Variants in CSMD1 observed in about 807,000 individuals in gnomAD.
CSMD1 encodes the protein CUB and Sushi multiple domains 1.
In CSMD1, 213 loss-of-function variants were observed where a neutral mutation model predicts 417.5. That is an observed-to-expected ratio of 0.51 (90% confidence interval 0.46 to 0.57). The LOEUF is 0.57. Among genes scored for constraint, CSMD1 ranks in the 20% least tolerant of loss-of-function variants. CSMD1 has a pLI of 0.00. For synonymous variants in CSMD1, 2,862 were observed against 1,736.8 expected, an observed-to-expected ratio of 1.65 and a Z score of -16.11; for missense variants, 6,923 against 4,529.7, an observed-to-expected ratio of 1.53 and a Z score of -15.17.
intron 3 of CSMD1, among the ~76,000 whole-genome samples, chr8:4,178,926 GAA>G (rs1798202395): frequency 6.6e-6 from 1 of 152,074 alleles, no homozygotes; most frequent in South Asian, 2.1e-4. Context: ...TGAAATAAGA[GAA>G]GATACAAACA....
At chr8:3,566,954 T>C (rs189864870) in intron 10 of CSMD1, among the ~76,000 whole-genome samples, 1 of 152,340 alleles carries the variant, frequency 6.6e-6, no homozygotes, top group African/African-American at 2.4e-5. Context: ...TAAATTGTTC[T>C]ATCATAAAGA....
In CSMD1 at chr8:3,834,039, A is replaced by T. The variant is rs140280523; in HGVS notation, c.819-79997T>A. On this transcript the variant is annotated intron_variant, in intron 5 of 69. Coordinates refer to ENST00000635120, the MANE Select transcript of CSMD1 (RefSeq NM_033225.6). Reference sequence around the variant, plus strand: ...TAAATATTTAACTCTTGACACGGTCACTAATGTAAAGTTTGGTCACTACTG... The same window carrying T: ...TAAATATTTAACTCTTGACACGGTCTCTAATGTAAAGTTTGGTCACTACTG... Among the ~76,000 whole-genome samples, 545 of 152,310 alleles carry T rather than the reference A, an allele frequency of 3.6e-3. 3 individuals are homozygous for T. Among genetic ancestry groups the T allele is most frequent in the African/African-American group, 0.012 (507 of 41,580 alleles).
rs571326225 is a variant in CSMD1, at chr8:4,032,463, G to C, written c.416-364C>G. Among the ~76,000 whole-genome samples, 3 of 152,288 alleles carry C rather than the reference G, an allele frequency of 2.0e-5. No individual in the cohort carries two copies. The East Asian group carries it at 5.8e-4, about 29-fold the overall frequency. The stretch of plus-strand genomic sequence containing the variant: ...TCAGTGTCAGCAACCAGACACAGTA[G>C]ACTATAGAAATCTAAAACAGTGGCA... On this transcript the variant is annotated intron_variant, in intron 3 of 69. Coordinates refer to ENST00000635120, the MANE Select transcript of CSMD1 (RefSeq NM_033225.6).
chr8:4,838,303 C>T (rs1209188934), intron 1 of CSMD1, among the ~76,000 whole-genome samples: 1 of 152,120 alleles, frequency 6.6e-6, no homozygotes, highest in Non-Finnish European at 1.5e-5. Context: ...ACTGTGCTAA[C>T]GTAAGCGTTC....
At chr8:3,621,533 T>A (rs965135191) in intron 7 of CSMD1, among the ~76,000 whole-genome samples, 2 of 152,264 alleles carry the variant, frequency 1.3e-5, no homozygotes, top group East Asian at 3.9e-4. Context: ...GTGATGGATG[T>A]ACAATAGCAT....
At chr8:3,388,272 T>G (rs1811135452) in intron 17 of CSMD1, among the ~76,000 whole-genome samples, 1 of 152,236 alleles carries the variant, frequency 6.6e-6, no homozygotes, top group Non-Finnish European at 1.5e-5. Flanking sequence ...TATTAGCCTT[T>G]GCTAACGATG....
intron 3 of CSMD1, among the ~76,000 whole-genome samples, chr8:4,338,265 T>G (rs1287073753): frequency 1.5e-4 from 23 of 152,174 alleles, no homozygotes; most frequent in Admixed American, 1.5e-3. Context: ...ATTCCATAGT[T>G]GAGTAAGTGC....
intron 23 of CSMD1, among the ~76,000 whole-genome samples, chr8:3,327,394 A>G (rs1185785932): frequency 6.6e-6 from 1 of 152,048 alleles, no homozygotes; most frequent in Admixed American, 6.5e-5. Context: ...CGGCCTCCCA[A>G]AGTGCTGGGA....
Position 4,918,122 on chromosome 8 carries a change from A to T in CSMD1, c.85+76210T>A, listed in dbSNP as rs1169280266. On this transcript the variant is annotated intron_variant, in intron 1 of 69. Transcript: ENST00000635120. ...AAGAAAATATGTATTCTATTACAAA[A>T]CTGCCCCCTGAAAAATTCTTCCTTT... is the stretch of plus-strand genomic sequence containing the variant. Among the ~76,000 whole-genome samples the T allele has an allele frequency of 2.6e-5, 4 of 152,328 alleles. No homozygotes were observed. The East Asian group carries it at 5.8e-4, about 22-fold the overall frequency.
Position 3,272,552 on chromosome 8 carries a change from C to T in CSMD1, c.4153+11592G>A, listed in dbSNP as rs573106829. ...GGCCATTTTCACGATATTGATTCTT[C>T]CTACCCATGAGCATGGAATGTTCTT... On this transcript the variant is annotated intron_variant, in intron 26 of 69. Coordinates refer to ENST00000635120, the MANE Select transcript of CSMD1 (RefSeq NM_033225.6). Among the ~76,000 whole-genome samples the T allele has an allele frequency of 8.1e-3, 1,112 of 137,858 alleles. 135 individuals are homozygous for T. The highest frequency in any genetic ancestry group is 0.013 in the Non-Finnish European group (837 of 63,670). 90.4% of individuals were successfully genotyped at this position (137,858 alleles called of 152,430 possible).
At chr8:4,051,393 C>G (rs115121496) in intron 3 of CSMD1, among the ~76,000 whole-genome samples, 1 of 151,972 alleles carries the variant, frequency 6.6e-6, no homozygotes, top group African/African-American at 2.4e-5. Context: ...GCTGATCCAA[C>G]CCAGTAGCAT....
chr8:4,586,968 A>G (rs1172077262), intron 2 of CSMD1, among the ~76,000 whole-genome samples: 1 of 152,242 alleles, frequency 6.6e-6, no homozygotes. Context: ...GAGAGGTTAC[A>G]TCTATATAAG....
chr8:4,066,059 C>T (rs937533994), intron 3 of CSMD1, among the ~76,000 whole-genome samples: 1 of 152,190 alleles, frequency 6.6e-6, no homozygotes, highest in Non-Finnish European at 1.5e-5. Context: ...ATGGGAAAGC[C>T]TGGAATAGGT....
At chr8:3,323,090 GT>G (rs1176721196) in intron 23 of CSMD1, among the ~76,000 whole-genome samples, 2 of 152,192 alleles carry the variant, frequency 1.3e-5, no homozygotes, top group East Asian at 3.9e-4. Context: ...AAAAACATCT[GT>G]CATTTATCTT....
intron 18 of CSMD1, among the ~76,000 whole-genome samples, chr8:3,384,758 A>T (rs1378590063): frequency 1.2e-4 from 14 of 120,002 alleles, no homozygotes; most frequent in East Asian, 5.1e-4. Context: ...ATTTATATAA[A>T]TTATATAAAT....
intron 7 of CSMD1, among the ~76,000 whole-genome samples, chr8:3,669,884 T>G (rs1798899268): frequency 1.3e-5 from 2 of 152,288 alleles, no homozygotes; most frequent in African/African-American, 4.8e-5. Flanking sequence ...ATCAAGCACC[T>G]CCTTCCTTCT....
chr8:4,181,564 C>G (rs909057182), intron 3 of CSMD1, among the ~76,000 whole-genome samples: 1 of 152,084 alleles, frequency 6.6e-6, no homozygotes, highest in South Asian at 2.1e-4. Flanking sequence ...TGGCCACATG[C>G]AAAGCCTTAC....
chr8:3,707,311 T>C (rs1801225375), intron 7 of CSMD1, among the ~76,000 whole-genome samples: 2 of 151,960 alleles, frequency 1.3e-5, no homozygotes, highest in Admixed American at 1.3e-4. Context: ...TAAACAGAAT[T>C]GACCCGAGAG....
At chr8:2,953,900 T>A (rs1449845411) in intron 65 of CSMD1, among the ~76,000 whole-genome samples, 1 of 152,242 alleles carries the variant, frequency 6.6e-6, no homozygotes, top group African/African-American at 2.4e-5. Context: ...GCAACCCTCT[T>A]TATAAGGCTC....
Sources: allele counts gnomAD v4.1 joint callset (sites outside exome capture counted in the v4.1 genomes callset), GRCh38; gene constraint gnomAD v4.1.1; transcripts MANE v1.5; gene names NCBI Gene and HGNC (gene_info 2026-07-23, HGNC 2026-07-21).